The following BRCA1 variants were observed in gnomAD, a reference collection of about 807,000 sequenced individuals.
BRCA1 encodes BRCA1 DNA repair associated, also known as breast cancer type 1 susceptibility protein.
Under a neutral mutation model 173.7 loss-of-function variants are expected in BRCA1, and 140 were observed. The ratio of observed to expected loss-of-function variants is 0.81; its 90% CI spans 0.70 to 0.93. The LOEUF is 0.93. Ranked by LOEUF, BRCA1 falls within the 40% of genes least tolerant of loss-of-function variation. The pLI, the probability that BRCA1 is intolerant of heterozygous loss-of-function variation, is 0.00. For missense variants in BRCA1, 1,983 were observed against 2,172.5 expected, an observed-to-expected ratio of 0.91 and a Z score of 1.73; for synonymous variants, 662 against 756.0, an observed-to-expected ratio of 0.88 and a Z score of 2.04.
chr17:43,048,000 C>T (rs896985400), intron 21 of BRCA1, among the ~76,000 whole-genome samples: 2 of 152,284 alleles, frequency 1.3e-5, no homozygotes, highest in African/African-American at 4.8e-5. Context: ...TCTCAAACTC[C>T]TGGGCTCAAC....
intron 12 of BRCA1, chr17:43,079,788 TAAA>T (rs56914599): frequency 1.0e-3 from 733 of 709,544 alleles, no homozygotes; most frequent in Admixed American, 1.9e-3. Flanking sequence ...TAATAGGTGT[TAAA>T]AAAAAAAAAA....
Position 43,048,322 on chromosome 17 carries a change from C to G in BRCA1, c.5407-619G>C, listed in dbSNP as rs527763960. Among the ~76,000 whole-genome samples, 572 of 152,232 alleles carry G rather than the reference C, an allele frequency of 3.8e-3. 2 individuals are homozygous for G. Among genetic ancestry groups the G allele is most frequent in the Non-Finnish European group, 5.7e-3 (387 of 68,004 alleles). On this transcript the variant is annotated intron_variant, in intron 21 of 22. Coordinates refer to ENST00000357654, the MANE Select transcript of BRCA1 (RefSeq NM_007294.4). ...GGTTCAAGCGATTCTCCTGCCCCAG[C>G]CCCTCAAGTAGCTGGGACTACAGGC...
chr17:43,150,949 G>A (rs2056157135), intron 1 of BRCA1, among the ~76,000 whole-genome samples: 1 of 152,146 alleles, frequency 6.6e-6, no homozygotes, highest in South Asian at 2.1e-4. Context: ...TGTCCTTTAT[G>A]AGGTATGGCA....
At chr17:43,140,118 G>A (rs182493207) in intron 1 of BRCA1, 58 of 335,884 alleles carry the variant, frequency 1.7e-4, no homozygotes, top group African/African-American at 9.1e-4. Flanking sequence ...GCTGGAGCTC[G>A]ATCATGCCTG....
At chr17:43,099,380 C>T (rs2054272082) in intron 7 of BRCA1, among the ~76,000 whole-genome samples, 1 of 151,836 alleles carries the variant, frequency 6.6e-6, no homozygotes, top group South Asian at 2.1e-4. Flanking sequence ...AAGTGATTCT[C>T]CTGCCTCAGC....
At chr17:43,152,167 C>T (rs957758019) in intron 1 of BRCA1, among the ~76,000 whole-genome samples, 5 of 152,206 alleles carry the variant, frequency 3.3e-5, no homozygotes, top group African/African-American at 1.2e-4. Flanking sequence ...GGTTTGTTTA[C>T]AGCTGTGTCA....
chr17:43,150,912 A>G (rs1287273558), intron 1 of BRCA1, among the ~76,000 whole-genome samples: 1 of 152,198 alleles, frequency 6.6e-6, no homozygotes, highest in Non-Finnish European at 1.5e-5. Flanking sequence ...AGGCAAACCA[A>G]GTGGTTTGGT....
At chr17:43,145,092 C>G (rs2056110817) in intron 1 of BRCA1, 3 of 785,610 alleles carry the variant, frequency 3.8e-6, no homozygotes, top group Non-Finnish European at 6.8e-6. Context: ...GATAAATTTT[C>G]AGACACAAAA....
intron 1 of BRCA1, among the ~76,000 whole-genome samples, chr17:43,152,119 C>T (rs1412384855): frequency 6.6e-6 from 1 of 152,186 alleles, no homozygotes; most frequent in African/African-American, 2.4e-5. Flanking sequence ...GAAATCAGCA[C>T]CACCACATAC....
intron 1 of BRCA1, among the ~76,000 whole-genome samples, chr17:43,143,013 C>CATATATATGTATATATGTGTGT (rs1426428365): frequency 2.2e-5 from 3 of 136,800 alleles, no homozygotes; most frequent in Non-Finnish European, 3.2e-5. Flanking sequence ...TATATGTGTG[C>CATATATATGTATATATGTGTGT]ATATATATGT....
chr17:43,161,965 C>T (rs2056238559), intron 1 of BRCA1: 1 of 152,172 alleles, frequency 6.6e-6, no homozygotes, highest in East Asian at 1.9e-4. Flanking sequence ...AAGTTTGAAA[C>T]ACTGGCTCAA....
intron 1 of BRCA1, among the ~76,000 whole-genome samples, chr17:43,150,407 C>A (rs1034632830): frequency 2.0e-5 from 3 of 152,146 alleles, no homozygotes; most frequent in African/African-American, 7.2e-5. Flanking sequence ...GCCTCAGTTT[C>A]TTTTATGGAC....
chr17:43,137,362 C>CA (rs1020982668), intron 1 of BRCA1, among the ~76,000 whole-genome samples: 2 of 151,204 alleles, frequency 1.3e-5, no homozygotes, highest in African/African-American at 4.9e-5. Context: ...ACCAACATGA[C>CA]ACGTGTATAC....
chr17:43,100,632 T>TAA (rs1555595276), intron 6 of BRCA1, among the ~76,000 whole-genome samples: 1 of 43,208 alleles, frequency 2.3e-5, no homozygotes, highest in African/African-American at 2.4e-4. Flanking sequence ...TATATATATG[T>TAA]TATATATATA....
At chr17:43,127,117 T>C (rs1331884304), upstream of BRCA1, among the ~76,000 whole-genome samples, 2 of 152,140 alleles carry the variant, frequency 1.3e-5, no homozygotes, top group African/African-American at 2.4e-5. Context: ...CCCTGTGAGC[T>C]CCAGCGTGGC....
chr17:43,144,259 A>G, intron 1 of BRCA1: 1 of 315,004 alleles, frequency 3.2e-6, no homozygotes, highest in South Asian at 2.4e-5. Flanking sequence ...TCCATCTTGT[A>G]AGGGCGAAAA....
chr17:43,135,715 G>A (rs1367109241), intron 1 of BRCA1, among the ~76,000 whole-genome samples: 1 of 152,192 alleles, frequency 6.6e-6, no homozygotes, highest in African/African-American at 2.4e-5. Context: ...TTCTGCTTCA[G>A]GCTCAGGATT....
At chr17:43,131,226 C>T (rs574074926) in intron 1 of BRCA1, 8 of 314,660 alleles carry the variant, frequency 2.5e-5, no homozygotes, top group South Asian at 2.0e-4. Flanking sequence ...TTCATTTGAT[C>T]TGAATAGTAT....
chr17:43,071,155 A>G lies in BRCA1; in HGVS notation c.4759T>C (p.Ser1587Pro), dbSNP rs2153869870. 1 of 1,614,166 alleles carries G rather than the reference A, an allele frequency of 6.2e-7. No individual in the cohort carries two copies. The highest frequency in any genetic ancestry group is 8.5e-7 in the Non-Finnish European group (1 of 1,180,030). ...SDPSEDRAPE[S>P]ARVGNIPSST... ...GATGGTATGTTGCCAACACGAGCTG[A>G]CTCTGGGGCTCTGTCTTCAGAAGGA... is the stretch of plus-strand genomic sequence containing the variant. Residue 1587 changes from serine (S) to proline (P), a missense_variant, in exon 15 of 23, where the codon TCA (serine) becomes CCA (proline). Ser to Pro is a moderately conservative substitution (Grantham distance 74). Transcript: ENST00000357654.
Sources: allele counts gnomAD v4.1 joint callset (sites outside exome capture counted in the v4.1 genomes callset), GRCh38; gene constraint gnomAD v4.1.1; transcripts MANE v1.5; gene names NCBI Gene and HGNC (gene_info 2026-07-23, HGNC 2026-07-21).